Variants in AFF3 observed in about 807,000 individuals in gnomAD.
AFF3 encodes ALF transcription elongation factor 3.
In AFF3, 32 loss-of-function variants were observed where a neutral mutation model predicts 129.7. The ratio of observed to expected loss-of-function variants is 0.25; its 90% confidence interval spans 0.19 to 0.33. The LOEUF (loss-of-function observed/expected upper bound fraction) is 0.33, where lower values mean the gene tolerates loss of function less well. AFF3 is among the 10% of genes least tolerant of loss of function. The pLI, the probability that AFF3 is intolerant of heterozygous loss-of-function variation, is 1.00. For synonymous variants in AFF3, 644 were observed against 635.4 expected, an observed-to-expected ratio of 1.01 and a Z score of -0.20; for missense variants, 1,373 against 1,592.0, an observed-to-expected ratio of 0.86 and a Z score of 2.34.
At chr2:100,087,872 T>C (rs922789252) in intron 4 of AFF3, among the ~76,000 whole-genome samples, 1 of 147,118 alleles carries the variant, frequency 6.8e-6, no homozygotes, top group African/African-American at 2.4e-5. Context: ...AGTATATTAA[T>C]AGATTAAAGT....
chr2:100,117,402 A>G (rs1691773813), intron 2 of AFF3, among the ~76,000 whole-genome samples: 1 of 152,098 alleles, frequency 6.6e-6, no homozygotes, highest in South Asian at 2.1e-4. Context: ...CTTCAGCTTT[A>G]TGTCATCTCT....
At chr2:99,659,762 G>A (rs1178579016) in intron 12 of AFF3, among the ~76,000 whole-genome samples, 5 of 152,084 alleles carry the variant, frequency 3.3e-5, no homozygotes, top group African/African-American at 4.8e-5. Context: ...TGATACTGAC[G>A]TAGCTCCTTA....
At chr2:99,766,491 A>G (rs917462164) in intron 8 of AFF3, among the ~76,000 whole-genome samples, 1 of 152,226 alleles carries the variant, frequency 6.6e-6, no homozygotes, top group African/African-American at 2.4e-5. Flanking sequence ...CCAGATATTG[A>G]CAGTAAAATC....
intron 13 of AFF3, among the ~76,000 whole-genome samples, chr2:99,605,092 C>A (rs926819058): frequency 6.6e-6 from 1 of 152,162 alleles, no homozygotes; most frequent in Non-Finnish European, 1.5e-5. Context: ...TTAATGGCTG[C>A]GGTCCTGAAG....
chr2:99,862,349 G>T (rs1339106028), intron 7 of AFF3, among the ~76,000 whole-genome samples: 1 of 152,162 alleles, frequency 6.6e-6, no homozygotes, highest in Admixed American at 6.5e-5. Context: ...AATGTCCGGG[G>T]TGTTTTCTAC....
At position 100,032,130 on chromosome 2, in the gene AFF3, A is replaced by G. The variant is rs573516209; in HGVS notation, c.54-23198T>C. On this transcript the variant is annotated intron_variant, in intron 4 of 24. Transcript: ENST00000672756. ...GAAAAGGGAAAGGGTAATGATTAGA[A>G]GTATGCCTGAGAGAGGCCAGGTATG... Among the ~76,000 whole-genome samples the G allele has an allele frequency of 3.3e-5, 5 of 152,318 alleles. No homozygotes were observed. The South Asian group carries it at 1.0e-3, about 32-fold the overall frequency.
chr2:100,000,118 G>C (rs1681244195), intron 7 of AFF3, among the ~76,000 whole-genome samples: 1 of 152,152 alleles, frequency 6.6e-6, no homozygotes, highest in South Asian at 2.1e-4. Flanking sequence ...CTACTGCTCA[G>C]CCCAATTAAA....
chr2:100,076,847 T>C (rs1688626555), intron 4 of AFF3, among the ~76,000 whole-genome samples: 1 of 152,190 alleles, frequency 6.6e-6, no homozygotes, highest in African/African-American at 2.4e-5. Context: ...ACGTTATGTA[T>C]GTGCAGTAAG....
rs184436664 is a variant in AFF3, at chr2:99,736,273, T to A, written c.1039+7831A>T. Among the ~76,000 whole-genome samples, 368 of 152,316 alleles carry A rather than the reference T, an allele frequency of 2.4e-3. 2 individuals carry two copies. Among genetic ancestry groups the A allele is most frequent in the African/African-American group, 8.5e-3 (355 of 41,580 alleles). Reference sequence around the variant, plus strand: ...AATTTGTGACTTTTACTTTTAAAAATTTGAAGCTTTGCTATTTGGAATTTA... The same window carrying A: ...AATTTGTGACTTTTACTTTTAAAAAATTGAAGCTTTGCTATTTGGAATTTA... On this transcript the variant is annotated intron_variant, in intron 10 of 24. Transcript: ENST00000672756.
intron 2 of AFF3, among the ~76,000 whole-genome samples, chr2:100,117,316 A>T (rs1691770679): frequency 6.6e-6 from 1 of 152,028 alleles, no homozygotes; most frequent in African/African-American, 2.4e-5. Context: ...CTCTTGTGAA[A>T]TTTTACATTT....
chr2:100,126,123 G>A (rs1404768701), intron 2 of AFF3, among the ~76,000 whole-genome samples: 3 of 152,224 alleles, frequency 2.0e-5, no homozygotes, highest in Non-Finnish European at 4.4e-5. Context: ...CCCATCCTGT[G>A]CTTATTGCAT....
At chr2:99,934,184 G>A (rs1674308423) in intron 7 of AFF3, among the ~76,000 whole-genome samples, 1 of 152,158 alleles carries the variant, frequency 6.6e-6, no homozygotes, top group Admixed American at 6.5e-5. Context: ...ACTTCTTTCT[G>A]CCATGTGCCT....
At chr2:99,968,729 G>A (rs1215416420) in intron 7 of AFF3, among the ~76,000 whole-genome samples, 19 of 152,160 alleles carry the variant, frequency 1.2e-4, no homozygotes, top group Non-Finnish European at 8.8e-5. Context: ...AATGGCCCAT[G>A]GTTAAGTTTG....
At chr2:99,724,895 G>C (rs1205475955) in intron 11 of AFF3, among the ~76,000 whole-genome samples, 2 of 152,128 alleles carry the variant, frequency 1.3e-5, no homozygotes, top group African/African-American at 4.8e-5. Context: ...AGGAATATGG[G>C]GTGATGCTTC....
chr2:99,695,950 A>C (rs1676204331), intron 11 of AFF3, among the ~76,000 whole-genome samples: 1 of 138,130 alleles, frequency 7.2e-6, no homozygotes, highest in African/African-American at 2.9e-5. Flanking sequence ...AAAAAAAAAA[A>C]AAAAAAAAAA....
chr2:99,791,827 C>CTT (rs112734176), intron 8 of AFF3, among the ~76,000 whole-genome samples: 3 of 141,430 alleles, frequency 2.1e-5, no homozygotes, highest in African/African-American at 5.2e-5. Flanking sequence ...TTGTGTTTTT[C>CTT]TTTTTTTTTT....
At chr2:100,075,016 T>G (rs892612856) in intron 4 of AFF3, among the ~76,000 whole-genome samples, 1 of 152,162 alleles carries the variant, frequency 6.6e-6, no homozygotes, top group Non-Finnish European at 1.5e-5. Context: ...GAGCATGTAC[T>G]TAGATGACAA....
At chr2:99,967,403 AC>A (rs1156376150) in intron 7 of AFF3, among the ~76,000 whole-genome samples, 2 of 152,030 alleles carry the variant, frequency 1.3e-5, no homozygotes, top group East Asian at 3.9e-4. Flanking sequence ...TTTCCTATGG[AC>A]GTTCCACTGT....
intron 3 of AFF3, 165 bp from the exon 4 acceptor site, chr2:100,104,683 C>A: frequency 1.0e-6 from 1 of 969,238 alleles, no homozygotes; most frequent in Non-Finnish European, 1.2e-6. Context: ...CCCCGGCTTG[C>A]GCGCAGGCAC....
Sources: gnomAD v4.1 joint callset for allele counts (sites outside exome capture counted in the v4.1 genomes callset) on GRCh38, gnomAD v4.1.1 for gene constraint, MANE v1.5 for transcripts, NCBI Gene and HGNC (gene_info 2026-07-23, HGNC 2026-07-21) for gene names.